The following FHIT variants were observed in gnomAD, a reference collection of about 807,000 sequenced individuals.
FHIT encodes fragile histidine triad diadenosine triphosphatase.
FHIT carries 19 observed loss-of-function variants against 17.9 expected under a neutral mutation model. That is an observed-to-expected ratio of 1.06 (90% confidence interval 0.74 to 1.56). The LOEUF is 1.56. FHIT is among the 40% of genes most tolerant of loss of function. FHIT has a pLI of 0.00. For missense variants in FHIT, 248 were observed against 189.2 expected, an observed-to-expected ratio of 1.31 and a Z score of -1.82; for synonymous variants, 81 against 69.7, an observed-to-expected ratio of 1.16 and a Z score of -0.81.
At chr3:60,370,810 G>A (rs527250495) in intron 5 of FHIT, among the ~76,000 whole-genome samples, 1 of 152,236 alleles carries the variant, frequency 6.6e-6, no homozygotes, top group African/African-American at 2.4e-5. Flanking sequence ...TCACAACACA[G>A]CTTCTAAGTG....
intron 1 of FHIT, among the ~76,000 whole-genome samples, chr3:61,210,520 C>A (rs921543137): frequency 6.6e-6 from 1 of 152,240 alleles, no homozygotes; most frequent in Non-Finnish European, 1.5e-5. Flanking sequence ...CGCCCCTCCC[C>A]CAGCCTCGCT....
At chr3:59,921,383 A>G (rs1393249184) in intron 8 of FHIT, among the ~76,000 whole-genome samples, 1 of 152,248 alleles carries the variant, frequency 6.6e-6, no homozygotes, top group Admixed American at 6.5e-5. Flanking sequence ...ATAGAGCCAC[A>G]TGATAAACAA....
chr3:59,956,801 C>T (rs530775222), intron 7 of FHIT, among the ~76,000 whole-genome samples: 2 of 152,144 alleles, frequency 1.3e-5, no homozygotes, highest in African/African-American at 2.4e-5. Context: ...AGCACTGAAA[C>T]TACTACCTGG....
At chr3:60,637,361 T>TAA (rs1440004407) in intron 4 of FHIT, among the ~76,000 whole-genome samples, 1 of 152,160 alleles carries the variant, frequency 6.6e-6, no homozygotes, top group Non-Finnish European at 1.5e-5. Context: ...CCCTTAAAGA[T>TAA]AAGGGCTATG....
rs150675839 is a variant in FHIT at position 59,838,577 on chromosome 3, G to T, written c.348+83769C>A. Among the ~76,000 whole-genome samples, 226 of 152,246 alleles carry T rather than the reference G, an allele frequency of 1.5e-3. 1 individual carries two copies. The highest frequency in any genetic ancestry group is 4.9e-3 in the African/African-American group (204 of 41,542). Reference sequence around the variant, plus strand: ...ACTCTGGCATGGGACACTAGCATCTGCTCTACTGTGGAGTGGCAGGTTTAG... The same window carrying T: ...ACTCTGGCATGGGACACTAGCATCTTCTCTACTGTGGAGTGGCAGGTTTAG... On this transcript the variant is annotated intron_variant, in intron 8 of 9. Coordinates refer to ENST00000492590, the MANE Select transcript of FHIT (RefSeq NM_002012.4).
At chr3:60,037,857 G>A (rs1701283753) in intron 5 of FHIT, among the ~76,000 whole-genome samples, 1 of 151,936 alleles carries the variant, frequency 6.6e-6, no homozygotes, top group South Asian at 2.1e-4. Context: ...GGGACTACAG[G>A]TGCATACTGC....
At chr3:60,740,453 A>T (rs372957107) in intron 4 of FHIT, among the ~76,000 whole-genome samples, 2 of 152,344 alleles carry the variant, frequency 1.3e-5, no homozygotes. Context: ...GCCTCCCACA[A>T]AGCAAAAATT....
intron 8 of FHIT, among the ~76,000 whole-genome samples, chr3:59,842,042 C>A (rs778053960): frequency 6.6e-5 from 10 of 152,068 alleles, no homozygotes; most frequent in Admixed American, 1.3e-4. Context: ...AAATTCTATA[C>A]CCATTAAATA....
At chr3:60,141,475 G>C (rs553635547) in intron 5 of FHIT, among the ~76,000 whole-genome samples, 61 of 150,838 alleles carry the variant, frequency 4.0e-4, no homozygotes, top group African/African-American at 1.4e-3. Context: ...ATCACTAAAA[G>C]TATACAAATA....
intron 5 of FHIT, among the ~76,000 whole-genome samples, chr3:60,018,435 C>G (rs922665456): frequency 7.9e-5 from 12 of 152,064 alleles, no homozygotes; most frequent in Non-Finnish European, 1.6e-4. Flanking sequence ...CAAGGTTAGG[C>G]CTTAAGTGAC....
intron 5 of FHIT, among the ~76,000 whole-genome samples, chr3:60,173,769 C>G (rs1701522644): frequency 6.6e-6 from 1 of 151,084 alleles, no homozygotes; most frequent in Non-Finnish European, 1.5e-5. Flanking sequence ...TGGGTTTTCC[C>G]TCTTTCTCCC....
intron 4 of FHIT, among the ~76,000 whole-genome samples, chr3:60,679,213 G>C (rs895557405): frequency 1.3e-5 from 2 of 152,012 alleles, no homozygotes; most frequent in Admixed American, 6.6e-5. Flanking sequence ...GCAGAAGTTG[G>C]CAATACAAGA....
At chr3:60,149,669 T>C (rs1316906623) in intron 5 of FHIT, among the ~76,000 whole-genome samples, 1 of 151,998 alleles carries the variant, frequency 6.6e-6, no homozygotes, top group Non-Finnish European at 1.5e-5. Context: ...CATTTGGGAA[T>C]TCAATCATCT....
intron 4 of FHIT, among the ~76,000 whole-genome samples, chr3:60,663,714 C>G (rs531357678): frequency 6.6e-6 from 1 of 151,986 alleles, no homozygotes; most frequent in East Asian, 1.9e-4. Flanking sequence ...CCACTGCACC[C>G]GGCCTCTGTA....
chr3:60,463,517 C>G (rs2032598948), intron 5 of FHIT, among the ~76,000 whole-genome samples: 1 of 152,150 alleles, frequency 6.6e-6, no homozygotes, highest in Non-Finnish European at 1.5e-5. Flanking sequence ...ACTCCTCTCC[C>G]CCGCCATCCT....
chr3:60,354,013 T>C (rs1699537974), intron 5 of FHIT, among the ~76,000 whole-genome samples: 1 of 152,046 alleles, frequency 6.6e-6, no homozygotes, highest in Non-Finnish European at 1.5e-5. Context: ...GAGACTTATG[T>C]AGTAGGATTT....
At chr3:60,698,442 C>T (rs1227673388) in intron 4 of FHIT, among the ~76,000 whole-genome samples, 3 of 152,126 alleles carry the variant, frequency 2.0e-5, no homozygotes, top group Non-Finnish European at 4.4e-5. Flanking sequence ...GAACAAGCTA[C>T]ATGAAGTAAT....
chr3:60,139,183 C>T (rs540474503), intron 5 of FHIT, among the ~76,000 whole-genome samples: 3 of 152,308 alleles, frequency 2.0e-5, no homozygotes, highest in South Asian at 2.1e-4. Flanking sequence ...TAATGTTTGA[C>T]CTTCCCGCCT....
chr3:60,155,978 A>G (rs1443888904), intron 5 of FHIT, among the ~76,000 whole-genome samples: 1 of 152,190 alleles, frequency 6.6e-6, no homozygotes, highest in Non-Finnish European at 1.5e-5. Flanking sequence ...TTAAAAATCT[A>G]TTGAGATTTC....
Sources: gnomAD v4.1 joint callset for allele counts (sites outside exome capture counted in the v4.1 genomes callset) on GRCh38, gnomAD v4.1.1 for gene constraint, MANE v1.5 for transcripts, NCBI Gene and HGNC (gene_info 2026-07-23, HGNC 2026-07-21) for gene names.